Variants in ANK3 observed in about 807,000 individuals in gnomAD.
ANK3 encodes the protein ankyrin-3.
ANK3 carries 57 observed loss-of-function variants against 370.9 expected under a neutral mutation model. That is an observed-to-expected ratio of 0.15 (90% CI 0.12 to 0.19). ANK3 has a LOEUF of 0.19. Ranked by LOEUF, ANK3 falls within the 10% of genes least tolerant of loss-of-function variation. ANK3 has a pLI of 1.00. For synonymous variants in ANK3, 1,929 were observed against 1,946.3 expected (o/e 0.99, Z 0.23); for missense variants, 4,439 against 5,302.1 (o/e 0.84, Z 5.06).
At chr10:60,631,862 A>T (rs1022351757) in intron 1 of ANK3, among the ~76,000 whole-genome samples, 15 of 152,184 alleles carry the variant, frequency 9.9e-5, no homozygotes, top group East Asian at 1.9e-4. Context: ...TACAAGTCGA[A>T]TTTTTTTAAT....
intron 1 of ANK3, among the ~76,000 whole-genome samples, chr10:60,690,592 G>C (rs1215295739): frequency 6.6e-6 from 1 of 151,934 alleles, no homozygotes; most frequent in African/African-American, 2.4e-5. Flanking sequence ...AAATAAATGA[G>C]GATTTTGTTG....
intron 2 of ANK3, among the ~76,000 whole-genome samples, chr10:60,395,568 C>CTTTTCTTTCTTTCT (rs1555367105): frequency 8.6e-6 from 1 of 116,678 alleles, no homozygotes; most frequent in African/African-American, 3.8e-5. Flanking sequence ...TTCTTTCTTT[C>CTTTTCTTTCTTTCT]TTTCTTTCTT....
chr10:60,548,600 T>C (rs562749165), intron 2 of ANK3, among the ~76,000 whole-genome samples: 17 of 152,290 alleles, frequency 1.1e-4, no homozygotes, highest in African/African-American at 3.8e-4. Context: ...GGTTGGGTCC[T>C]GATTTATTAA....
intron 29 of ANK3, 28 bp downstream of exon 29, chr10:60,088,119 G>T: frequency 6.3e-7 from 1 of 1,599,670 alleles, no homozygotes; most frequent in Non-Finnish European, 8.6e-7. Context: ...TGCGCATACT[G>T]AGGGAAACAA....
chr10:60,540,237 C>T (rs1433806489), intron 2 of ANK3, among the ~76,000 whole-genome samples: 4 of 151,668 alleles, frequency 2.6e-5, no homozygotes, highest in South Asian at 4.2e-4. Flanking sequence ...CTTGATGGGT[C>T]GAGATAATTG....
At chr10:60,591,079 G>C (rs2077903320) in intron 2 of ANK3, among the ~76,000 whole-genome samples, 1 of 152,126 alleles carries the variant, frequency 6.6e-6, no homozygotes, top group African/African-American at 2.4e-5. Flanking sequence ...AGGGGTAGCA[G>C]CAGGTTATTC....
At chr10:60,138,812 G>C (rs1192795642) in intron 24 of ANK3, 152 bp downstream of exon 24, 1 of 879,974 alleles carries the variant, frequency 1.1e-6, no homozygotes, top group Non-Finnish European at 1.7e-6. Context: ...AAATAGCAGA[G>C]CATGTGTATT....
chr10:60,410,746 A>T (rs1455896613), intron 2 of ANK3, among the ~76,000 whole-genome samples: 2 of 149,720 alleles, frequency 1.3e-5, no homozygotes, highest in East Asian at 3.9e-4. Context: ...AGCTCACCGC[A>T]TCCTCAAACT....
intron 26 of ANK3, chr10:60,111,915 A>G (rs2092741323): frequency 7.7e-6 from 3 of 391,360 alleles, no homozygotes; most frequent in Non-Finnish European, 1.5e-5. Flanking sequence ...CAACCTAGAA[A>G]AATATCTGCC....
chr10:60,512,250 A>G (rs894047562), intron 2 of ANK3, among the ~76,000 whole-genome samples: 1 of 152,142 alleles, frequency 6.6e-6, no homozygotes, highest in Admixed American at 6.6e-5. Flanking sequence ...GTCATTTTGC[A>G]TCAATGGTCT....
At chr10:60,721,160 G>A (rs1270026353) in intron 1 of ANK3, among the ~76,000 whole-genome samples, 2 of 152,178 alleles carry the variant, frequency 1.3e-5, no homozygotes, top group Admixed American at 6.5e-5. Flanking sequence ...TGCCATGACT[G>A]CAAAATATAC....
At chr10:60,417,678 C>A (rs903421685) in intron 2 of ANK3, among the ~76,000 whole-genome samples, 13 of 152,104 alleles carry the variant, frequency 8.5e-5, no homozygotes, top group African/African-American at 2.9e-4. Context: ...CTAGCTGGTA[C>A]TACTGGAGGG....
chr10:60,258,028 A>G (rs1481599384), intron 7 of ANK3, among the ~76,000 whole-genome samples: 1 of 152,260 alleles, frequency 6.6e-6, no homozygotes, highest in Non-Finnish European at 1.5e-5. Context: ...TATTCAATCA[A>G]TAAAGGGAAC....
intron 2 of ANK3, among the ~76,000 whole-genome samples, chr10:60,416,412 G>A (rs1190302398): frequency 2.0e-5 from 3 of 152,170 alleles, no homozygotes; most frequent in South Asian, 2.1e-4. Context: ...TGTTAAATGG[G>A]TGCACTGTGT....
At chr10:60,261,165 TCA>T (rs1321744964) in intron 7 of ANK3, among the ~76,000 whole-genome samples, 1 of 152,206 alleles carries the variant, frequency 6.6e-6, no homozygotes, top group African/African-American at 2.4e-5. Flanking sequence ...CTAAGGAGTC[TCA>T]GAGTCCAGGA....
intron 2 of ANK3, among the ~76,000 whole-genome samples, chr10:60,545,631 G>T (rs2133223084): frequency 6.6e-6 from 1 of 152,114 alleles, no homozygotes. Context: ...TGAAATACTA[G>T]ATCTAGTCTA....
chr10:60,454,891 T>C (rs528043146), intron 2 of ANK3, among the ~76,000 whole-genome samples: 32 of 152,250 alleles, frequency 2.1e-4, no homozygotes, highest in Middle Eastern at 3.4e-3. Flanking sequence ...TTTTTATCAC[T>C]CAAATTGAGC....
intron 7 of ANK3, among the ~76,000 whole-genome samples, chr10:60,245,785 T>C (rs1050549093): frequency 2.6e-5 from 4 of 152,202 alleles, no homozygotes; most frequent in African/African-American, 7.2e-5. Context: ...TTCAAGGATA[T>C]ACTCAGGAAA....
intron 1 of ANK3, among the ~76,000 whole-genome samples, chr10:60,691,842 G>T (rs973585416): frequency 6.6e-6 from 1 of 152,164 alleles, no homozygotes; most frequent in Non-Finnish European, 1.5e-5. Flanking sequence ...AATAATTTAA[G>T]GCTGTGGTTC....
Sources: gnomAD v4.1 joint callset for allele counts (sites outside exome capture counted in the v4.1 genomes callset) on GRCh38, gnomAD v4.1.1 for gene constraint, MANE v1.5 for transcripts, NCBI Gene and HGNC (gene_info 2026-07-23, HGNC 2026-07-21) for gene names.